The following OTUD7A variants were observed in gnomAD, a reference collection of about 807,000 sequenced individuals.
OTUD7A encodes OTU deubiquitinase 7A.
Under a neutral mutation model 65.7 loss-of-function variants are expected in OTUD7A, and 12 were observed. That is an observed-to-expected ratio of 0.18 (90% confidence interval 0.12 to 0.30). The LOEUF is 0.30. Ranked by LOEUF, OTUD7A falls within the 10% of genes least tolerant of loss-of-function variation. OTUD7A has a pLI of 1.00. For missense variants in OTUD7A, 1,148 were observed against 1,304.8 expected (o/e 0.88, Z 1.85); for synonymous variants, 641 against 586.3 (o/e 1.09, Z -1.35).
At chr15:31,768,082 A>G (rs1895135784) in intron 1 of OTUD7A, 5 of 1,598,226 alleles carry the variant, frequency 3.1e-6, no homozygotes, top group South Asian at 1.1e-5. Flanking sequence ...AACAATTGCC[A>G]TATTTTTTAA....
chr15:31,732,140 T>G (rs1231133717), intron 1 of OTUD7A, among the ~76,000 whole-genome samples: 1 of 152,218 alleles, frequency 6.6e-6, no homozygotes, highest in East Asian at 1.9e-4. Flanking sequence ...TCTCCTACAC[T>G]TCATGGCCTT....
At chr15:31,640,309 T>C (rs1480834061) in intron 3 of OTUD7A, among the ~76,000 whole-genome samples, 4 of 152,198 alleles carry the variant, frequency 2.6e-5, no homozygotes, top group Non-Finnish European at 5.9e-5. Context: ...CAGTGTATAC[T>C]GCTCGGGTGA....
At chr15:31,652,280 G>C (rs1595686447) in intron 3 of OTUD7A, among the ~76,000 whole-genome samples, 1 of 152,262 alleles carries the variant, frequency 6.6e-6, no homozygotes, top group East Asian at 1.9e-4. Flanking sequence ...GAAACAATTG[G>C]ATATCCGTAT....
chr15:31,789,970 C>T (rs1244367926), intron 1 of OTUD7A, among the ~76,000 whole-genome samples: 1 of 152,154 alleles, frequency 6.6e-6, no homozygotes. Context: ...GTACAGGGTG[C>T]CAGAGCGGGG....
intron 1 of OTUD7A, among the ~76,000 whole-genome samples, chr15:31,826,497 T>C (rs1356990793): frequency 1.3e-5 from 2 of 152,190 alleles, no homozygotes; most frequent in Non-Finnish European, 2.9e-5. Context: ...CCACTTTTTT[T>C]CCCTTGGCCT....
At chr15:31,554,608 C>T (rs964420331) in intron 5 of OTUD7A, among the ~76,000 whole-genome samples, 17 of 152,296 alleles carry the variant, frequency 1.1e-4, no homozygotes, top group South Asian at 4.1e-4. Flanking sequence ...TTTCAACATG[C>T]GTTTCCATCT....
chr15:31,494,837 C>T (rs1365805733), intron 10 of OTUD7A, among the ~76,000 whole-genome samples: 1 of 152,230 alleles, frequency 6.6e-6, no homozygotes, highest in Non-Finnish European at 1.5e-5. Context: ...GTGCTGCTGC[C>T]TCCCAGCCCC....
intron 1 of OTUD7A, among the ~76,000 whole-genome samples, chr15:31,769,300 A>G (rs1420596025): frequency 6.6e-6 from 1 of 152,218 alleles, no homozygotes; most frequent in Non-Finnish European, 1.5e-5. Flanking sequence ...GTAATGATAA[A>G]AGGTTCAATT....
intron 1 of OTUD7A, among the ~76,000 whole-genome samples, chr15:31,742,126 C>T (rs187252649): frequency 2.4e-4 from 36 of 151,644 alleles, no homozygotes; most frequent in Non-Finnish European, 4.0e-4. Flanking sequence ...GTTTTCTCAA[C>T]AAATAAAGAA....
rs1281899275 is a variant in OTUD7A at position 31,482,363 on chromosome 15, AG to A, written c.*930del. The A allele has an allele frequency of 2.0e-5, 3 of 152,296 alleles. No individual in the cohort carries two copies. Among genetic ancestry groups the A allele is most frequent in the Non-Finnish European group, 4.4e-5 (3 of 68,090 alleles). 9.4% of individuals were successfully genotyped at this position (152,296 alleles called of 1,614,324 possible). A position where few individuals can be genotyped will look rare whatever the true frequency, so the allele number is the denominator to read the frequency against. ...TAGTGGGGGCTTACACAGTGACCAA[AG>A]GGTCAATTCCTCGCTGTCTCCCGGG... On this transcript the variant is annotated 3_prime_UTR_variant, in exon 13 of 13. Transcript: ENST00000307050.
At chr15:31,604,064 T>A (rs1283360704) in intron 3 of OTUD7A, among the ~76,000 whole-genome samples, 1 of 152,174 alleles carries the variant, frequency 6.6e-6, no homozygotes, top group Non-Finnish European at 1.5e-5. Flanking sequence ...TAACTAGAAA[T>A]ACCATTTGAC....
At chr15:31,528,957 T>C (rs2042051766) in intron 6 of OTUD7A, among the ~76,000 whole-genome samples, 1 of 152,190 alleles carries the variant, frequency 6.6e-6, no homozygotes, top group African/African-American at 2.4e-5. Context: ...GAGGGGGGTC[T>C]CACAGCCCTG....
intron 4 of OTUD7A, among the ~76,000 whole-genome samples, chr15:31,568,873 G>T (rs1362043512): frequency 6.6e-6 from 1 of 152,142 alleles, no homozygotes; most frequent in Non-Finnish European, 1.5e-5. Context: ...TTCCCCCTTT[G>T]CCTTCTGCAT....
At chr15:31,629,734 G>A (rs1407913004) in intron 3 of OTUD7A, among the ~76,000 whole-genome samples, 4 of 152,116 alleles carry the variant, frequency 2.6e-5, no homozygotes, top group Non-Finnish European at 4.4e-5. Context: ...GGACGTTTTT[G>A]GTTGGTAAGC....
At chr15:31,736,590 T>C (rs59825052) in intron 1 of OTUD7A, among the ~76,000 whole-genome samples, 1 of 152,120 alleles carries the variant, frequency 6.6e-6, no homozygotes. Flanking sequence ...ACCAATGCAC[T>C]ATGAGATCAA....
rs570192999 is a variant in OTUD7A at position 31,612,382 on chromosome 15, G to C, written c.152-42185C>G. On this transcript the variant is annotated intron_variant, in intron 3 of 12. Transcript: ENST00000307050. ...GTCAATGTTGGCTAACAATATGATTGTTTACCTTGAAAACCCTGAAGACTC... is the reference window on the plus strand; with the variant it reads ...GTCAATGTTGGCTAACAATATGATTCTTTACCTTGAAAACCCTGAAGACTC... Among the ~76,000 whole-genome samples, 3 of 152,210 alleles carry C rather than the reference G, an allele frequency of 2.0e-5. No individual in the cohort carries two copies. The East Asian group carries it at 5.8e-4, about 29-fold the overall frequency.
At chr15:31,528,938 G>A (rs939899428) in intron 6 of OTUD7A, among the ~76,000 whole-genome samples, 2 of 152,208 alleles carry the variant, frequency 1.3e-5, no homozygotes, top group Admixed American at 6.5e-5. Flanking sequence ...GTTGTACAGG[G>A]GATTCTTGGA....
Position 31,483,457 on chromosome 15 carries a change from C to T in OTUD7A, c.2639G>A (p.Arg880His). Reference protein sequence around the residue: ...EFADADAPTARSNGECGRGGP... With the variant: ...EFADADAPTAHSNGECGRGGP... ...GCCACGGCCGCACTCACCGTTCGAG[C>T]GCGCGGTCGGCGCGTCGGCGTCGGC... The change falls in exon 13 of 13, where the codon CGC becomes CAC. Residue 880 changes from arginine (R) to histidine (H), a missense_variant. Physicochemically the swap from Arg to His is conservative, Grantham distance 29. This residue lies in a region of OTUD7A where 842 missense variants were observed against 769.5 expected (regional missense o/e 1.09). Coordinates refer to ENST00000307050, the MANE Select transcript of OTUD7A (RefSeq NM_001382637.1). The T allele has an allele frequency of 7.2e-7, 1 of 1,379,838 alleles. No individual in the cohort carries two copies. 85.5% of individuals were successfully genotyped at this position (1,379,838 alleles called of 1,614,324 possible). A position where few individuals can be genotyped will look rare whatever the true frequency, so the allele number is the denominator to read the frequency against.
chr15:31,743,487 T>C (rs1481137435), intron 1 of OTUD7A, among the ~76,000 whole-genome samples: 1 of 151,866 alleles, frequency 6.6e-6, no homozygotes, highest in African/African-American at 2.4e-5. Flanking sequence ...AACACATAAA[T>C]GAGGAATGGC....
Sources: gnomAD v4.1 joint callset for allele counts (sites outside exome capture counted in the v4.1 genomes callset) on GRCh38, gnomAD v4.1.1 for gene constraint, gnomAD v4.1.1 regional missense constraint, MANE v1.5 for transcripts, NCBI Gene and HGNC (gene_info 2026-07-23, HGNC 2026-07-21) for gene names.